The following SEMA6D variants were observed in gnomAD, a reference collection of about 807,000 sequenced individuals.
The protein encoded by SEMA6D is semaphorin 6D.
In SEMA6D, 35 loss-of-function variants were observed where a neutral mutation model predicts 106.6. The observed-to-expected ratio is 0.33, with a 90% confidence interval of 0.25 to 0.44. The LOEUF (loss-of-function observed/expected upper bound fraction) is 0.44, where lower values mean the gene tolerates loss of function less well. Among genes scored for constraint, SEMA6D ranks in the 20% least tolerant of loss-of-function variants. SEMA6D has a pLI of 1.00. For synonymous variants in SEMA6D, 499 were observed against 487.7 expected (o/e 1.02, Z -0.31); for missense variants, 1,185 against 1,345.9 (o/e 0.88, Z 1.87).
rs970247862 is a variant in SEMA6D, at chr15:47,717,690, G to A, written c.-57G>A. ...TTTTTCTTACCAGCCTCCCCCCAAT[G>A]AGGTAAGACCGTTTTCAACAATTTG... is the stretch of plus-strand genomic sequence containing the variant. On this transcript the variant is annotated splice_region_variant and 5_prime_UTR_variant, in exon 1 of 19. It removes an upstream start codon present in the reference 5' UTR. Coordinates refer to ENST00000536845, the MANE Select transcript of SEMA6D (RefSeq NM_001358351.3). 6.6e-6 allele frequency: 1 copy of A among 150,876 alleles called. No individual in the cohort carries two copies. The highest frequency in any genetic ancestry group is 2.0e-4 in the East Asian group (1 of 5,122). 9.3% of individuals were successfully genotyped at this position (150,876 alleles called of 1,614,324 possible).
At chr15:47,702,134 A>G (rs544904522) in intron 4 of SEMA6D, among the ~76,000 whole-genome samples, 9 of 152,206 alleles carry the variant, frequency 5.9e-5, no homozygotes, top group Non-Finnish European at 1.0e-4. Context: ...ACTGATGGTC[A>G]TACTTGGCTG....
chr15:47,186,003 A>G (rs1413052392), intron 1 of SEMA6D, among the ~76,000 whole-genome samples: 1 of 152,094 alleles, frequency 6.6e-6, no homozygotes. Context: ...TATATGTACA[A>G]GTTTACAATA....
intron 3 of SEMA6D, among the ~76,000 whole-genome samples, chr15:47,519,639 A>T (rs748169892): frequency 2.9e-4 from 44 of 152,192 alleles, no homozygotes; most frequent in Non-Finnish European, 5.7e-4. Context: ...TTGCCCAGGG[A>T]TGTAGCTTCT....
chr15:47,408,522 A>C (rs1478107956), intron 1 of SEMA6D, among the ~76,000 whole-genome samples: 1 of 152,222 alleles, frequency 6.6e-6, no homozygotes, highest in Non-Finnish European at 1.5e-5. Flanking sequence ...GCACACTAGT[A>C]AAGGCTGAAA....
At chr15:47,574,457 A>T (rs1053204898) in intron 3 of SEMA6D, among the ~76,000 whole-genome samples, 6 of 152,190 alleles carry the variant, frequency 3.9e-5, no homozygotes, top group African/African-American at 1.4e-4. Context: ...CTATATACAC[A>T]TCAATTGAAA....
intron 3 of SEMA6D, among the ~76,000 whole-genome samples, chr15:47,539,245 A>G (rs1416572836): frequency 6.6e-6 from 1 of 152,198 alleles, no homozygotes; most frequent in African/African-American, 2.4e-5. Flanking sequence ...TAACGTGTTT[A>G]CAACTGTGTT....
intron 2 of SEMA6D, among the ~76,000 whole-genome samples, chr15:47,431,294 A>C: frequency 6.6e-6 from 1 of 152,268 alleles, no homozygotes; most frequent in Admixed American, 6.5e-5. Flanking sequence ...TAAATAATAA[A>C]CCAAATAAAA....
rs530477192 is a variant in SEMA6D at position 47,193,602 on chromosome 15, TACATCAACTTCAATTCTCACC to T, written c.-239+9187_-239+9207del. On this transcript the variant is annotated intron_variant, in intron 1 of 19. Coordinates refer to the SEMA6D transcript ENST00000558014. ...TTTGAATGGAATCCTTGTAGTCACATACATCAACTTCAATTCTCACCACTCTCTGCTTCCTTGGTATTTCTA... is the reference window on the plus strand; with the variant it reads ...TTTGAATGGAATCCTTGTAGTCACATACTCTCTGCTTCCTTGGTATTTCTA... Among the ~76,000 whole-genome samples the T allele has an allele frequency of 6.9e-4, 105 of 152,334 alleles. 2 individuals carry two copies. Among genetic ancestry groups the T allele is most frequent in the Middle Eastern group, 3.4e-3 (1 of 294 alleles).
At chr15:47,316,989 A>G (rs543552940) in intron 1 of SEMA6D, among the ~76,000 whole-genome samples, 2 of 152,324 alleles carry the variant, frequency 1.3e-5, no homozygotes, top group South Asian at 2.1e-4. Context: ...GAGAATTGGT[A>G]TGAATTCTTT....
chr15:47,361,745 A>G (rs2038815752), intron 1 of SEMA6D, among the ~76,000 whole-genome samples: 1 of 152,120 alleles, frequency 6.6e-6, no homozygotes, highest in African/African-American at 2.4e-5. Context: ...CTGTGCCTCT[A>G]TTGCAGACTA....
At chr15:47,507,001 G>T (rs761709427) in intron 3 of SEMA6D, among the ~76,000 whole-genome samples, 3 of 152,130 alleles carry the variant, frequency 2.0e-5, no homozygotes, top group Admixed American at 2.0e-4. Context: ...AAAAGGAAGC[G>T]CTGCCTGAGC....
At chr15:47,496,475 T>G (rs2043662096) in intron 3 of SEMA6D, among the ~76,000 whole-genome samples, 1 of 152,052 alleles carries the variant, frequency 6.6e-6, no homozygotes, top group South Asian at 2.1e-4. Context: ...CCTCCCTACA[T>G]TTAATACATA....
At chr15:47,673,553 T>C (rs1169802843) in intron 4 of SEMA6D, among the ~76,000 whole-genome samples, 1 of 152,160 alleles carries the variant, frequency 6.6e-6, no homozygotes, top group African/African-American at 2.4e-5. Context: ...TCACATTCCA[T>C]CCAGGGATAA....
chr15:47,739,745 G>A (rs2080687630), intron 1 of SEMA6D, among the ~76,000 whole-genome samples: 1 of 152,148 alleles, frequency 6.6e-6, no homozygotes, highest in Non-Finnish European at 1.5e-5. Context: ...TTCCAAGAGA[G>A]AATTTGGAAC....
At chr15:47,571,089 T>A (rs775897335) in intron 3 of SEMA6D, among the ~76,000 whole-genome samples, 5 of 152,094 alleles carry the variant, frequency 3.3e-5, no homozygotes, top group Non-Finnish European at 7.4e-5. Context: ...CCCACTCTTC[T>A]CCTGCCTGCC....
chr15:47,431,621 AAC>A (rs1376580844), intron 2 of SEMA6D, among the ~76,000 whole-genome samples: 1 of 152,110 alleles, frequency 6.6e-6, no homozygotes, highest in Non-Finnish European at 1.5e-5. Context: ...GGACAGCAGG[AAC>A]ACTGTTTGGT....
chr15:47,507,726 A>G (rs186145141), intron 3 of SEMA6D, among the ~76,000 whole-genome samples: 118 of 152,340 alleles, frequency 7.7e-4, no homozygotes, highest in African/African-American at 2.8e-3. Context: ...AGGCAGTGTC[A>G]GACAGATGGT....
At chr15:47,404,883 A>G (rs1016735113) in intron 1 of SEMA6D, among the ~76,000 whole-genome samples, 4 of 152,168 alleles carry the variant, frequency 2.6e-5, no homozygotes, top group Non-Finnish European at 4.4e-5. Context: ...AGAAATCTGT[A>G]GTTTCATACA....
intron 1 of SEMA6D, among the ~76,000 whole-genome samples, chr15:47,407,088 C>G (rs752126460): frequency 6.6e-6 from 1 of 151,788 alleles, no homozygotes; most frequent in Non-Finnish European, 1.5e-5. Context: ...TAGGCCGGGC[C>G]GGGGGGTGGC....
Sources: allele counts gnomAD v4.1 joint callset (sites outside exome capture counted in the v4.1 genomes callset), GRCh38; gene constraint gnomAD v4.1.1; transcripts MANE v1.5; gene names NCBI Gene and HGNC (gene_info 2026-07-23, HGNC 2026-07-21).